AKAP13: variants seen among roughly 807,000 people sequenced by gnomAD.
The protein encoded by AKAP13 is A-kinase anchoring protein 13.
Under a neutral mutation model 264.5 loss-of-function variants are expected in AKAP13, and 80 were observed. The observed-to-expected ratio is 0.30, with a 90% CI of 0.25 to 0.36. The LOEUF is 0.36. Among genes scored for constraint, AKAP13 ranks in the 10% least tolerant of loss-of-function variants. The probability of loss-of-function intolerance (pLI) is 1.00; values close to 1 mark genes in which losing one functional copy is unlikely to be tolerated. For synonymous variants in AKAP13, 1,380 were observed against 1,250.2 expected (o/e 1.10, Z -2.19); for missense variants, 3,712 against 3,435.2 (o/e 1.08, Z -2.01).
chr15:85,639,489 C>T, intron 9 of AKAP13, 40 bp downstream of exon 9: 2 of 1,425,358 alleles, frequency 1.4e-6, no homozygotes, highest in Non-Finnish European at 2.0e-6. Flanking sequence ...GAGCTGCAGC[C>T]CCACTCTGGC....
chr15:85,445,385 A>G (rs1035812605), intron 1 of AKAP13, among the ~76,000 whole-genome samples: 1 of 152,182 alleles, frequency 6.6e-6, no homozygotes, highest in African/African-American at 2.4e-5. Flanking sequence ...ACTGACTGAT[A>G]TGTTCTAATT....
At chr15:85,396,072 T>C (rs1014667133) in intron 1 of AKAP13, among the ~76,000 whole-genome samples, 3 of 152,130 alleles carry the variant, frequency 2.0e-5, no homozygotes, top group Non-Finnish European at 2.9e-5. Flanking sequence ...CATACATGTA[T>C]ATATTAAACT....
intron 2 of AKAP13, among the ~76,000 whole-genome samples, chr15:85,498,608 C>T (rs1789619105): frequency 1.5e-5 from 1 of 65,828 alleles, no homozygotes; most frequent in Non-Finnish European, 3.5e-5. Context: ...TTGATGCTTA[C>T]ATCACATCTA....
At chr15:85,498,659 C>G (rs2075958571) in intron 2 of AKAP13, among the ~76,000 whole-genome samples, 1 of 152,136 alleles carries the variant, frequency 6.6e-6, no homozygotes, top group African/African-American at 2.4e-5. Flanking sequence ...TATTTACCAT[C>G]TCTTTTTCAA....
intron 1 of AKAP13, among the ~76,000 whole-genome samples, chr15:85,399,519 A>T (rs202064687): frequency 0.03 from 3,713 of 124,366 alleles, 116 homozygotes; most frequent in East Asian, 0.11. Flanking sequence ...AAAAAAAAAA[A>T]AAATAAAAAA....
rs1485645393 is a variant in AKAP13 at position 85,483,821 on chromosome 15, AAAC to A, written c.-11-1886_-11-1884del. On this transcript the variant is annotated intron_variant, in intron 1 of 36. Transcript: ENST00000394518. The stretch of plus-strand genomic sequence containing the variant: ...GCGAGACTCCATCTCAAAAACAAAC[AAAC>A]AAAAAAATTATGAAATTTTCTTTTT... Among the ~76,000 whole-genome samples, 5 of 152,286 alleles carry A rather than the reference AAAC, an allele frequency of 3.3e-5. No individual in the cohort carries two copies. The East Asian group carries it at 9.6e-4, about 29-fold the overall frequency.
At chr15:85,545,403 G>C (rs28427010) in intron 5 of AKAP13, among the ~76,000 whole-genome samples, 1,980 of 152,350 alleles carry the variant, frequency 0.013, 26 homozygotes, top group African/African-American at 0.035. Flanking sequence ...TTATATCCTT[G>C]GAGGGGATGT....
At chr15:85,606,727 C>T (rs1353714748) in intron 8 of AKAP13, among the ~76,000 whole-genome samples, 5 of 152,152 alleles carry the variant, frequency 3.3e-5, no homozygotes, top group Non-Finnish European at 7.3e-5. Context: ...AACATCATGG[C>T]AGGGTCAAGG....
At chr15:85,737,495 A>G (rs2542605) in intron 33 of AKAP13, among the ~76,000 whole-genome samples, 15,086 of 152,186 alleles carry the variant, frequency 0.099, 1,016 homozygotes, top group East Asian at 0.37. Context: ...TTTAACGTTA[A>G]GTTAAAAGTC....
At position 85,633,020 on chromosome 15, in the gene AKAP13, C is replaced by G. The variant is rs1567166165; in HGVS notation, c.4162-6354C>G. Among the ~76,000 whole-genome samples, 5 of 152,120 alleles carry G rather than the reference C, an allele frequency of 3.3e-5. No individual in the cohort carries two copies. The South Asian group carries it at 1.0e-3, about 31-fold the overall frequency. ...AGCTGGGACTACAGGCATGTGCCACCACGCCCAGATAATTTTTGTATTTTT... is the reference window on the plus strand; with the variant it reads ...AGCTGGGACTACAGGCATGTGCCACGACGCCCAGATAATTTTTGTATTTTT... On this transcript the variant is annotated intron_variant, in intron 8 of 36. Coordinates refer to ENST00000394518, the MANE Select transcript of AKAP13 (RefSeq NM_007200.5).
intron 4 of AKAP13, chr15:85,535,506 A>C (rs1334628679): frequency 6.6e-6 from 1 of 152,220 alleles, no homozygotes; most frequent in Non-Finnish European, 1.5e-5. Flanking sequence ...AATATTTGAC[A>C]TTCTGAAAAG....
intron 5 of AKAP13, among the ~76,000 whole-genome samples, chr15:85,560,085 G>A (rs1180116783): frequency 8.0e-6 from 1 of 124,356 alleles, no homozygotes; most frequent in East Asian, 2.6e-4. Flanking sequence ...TATTACTCCT[G>A]TGTTCGTTTC....
chr15:85,609,180 A>G (rs1365524267), intron 8 of AKAP13, among the ~76,000 whole-genome samples: 2 of 152,184 alleles, frequency 1.3e-5, no homozygotes, highest in African/African-American at 4.8e-5. Context: ...TATTATTGCT[A>G]ACTATAGTCA....
intron 8 of AKAP13, among the ~76,000 whole-genome samples, chr15:85,633,311 A>G (rs1293527759): frequency 6.6e-6 from 1 of 151,992 alleles, no homozygotes; most frequent in East Asian, 1.9e-4. Flanking sequence ...TTATTTCTGT[A>G]AACTAAACTT....
intron 2 of AKAP13, among the ~76,000 whole-genome samples, chr15:85,487,592 G>T (rs1002702274): frequency 6.6e-6 from 1 of 152,210 alleles, no homozygotes; most frequent in African/African-American, 2.4e-5. Flanking sequence ...TGGAGATGGG[G>T]CCTTGCTCTG....
intron 2 of AKAP13, among the ~76,000 whole-genome samples, chr15:85,513,056 C>T (rs1275862037): frequency 6.6e-6 from 1 of 152,200 alleles, no homozygotes; most frequent in Non-Finnish European, 1.5e-5. Flanking sequence ...GCTCCTGCCT[C>T]AGCCTCCCAA....
rs762107404 is a variant in AKAP13 at position 85,533,749 on chromosome 15, C to A, written c.347C>A (p.Thr116Asn). ...SAGNQQALNF[T>N]RFLDQSGPPS... ...GGAAATCAGCAGGCTTTGAACTTTACCCGTTTTCTTGACCAGTCAGGACCC... is the reference window on the plus strand; with the variant it reads ...GGAAATCAGCAGGCTTTGAACTTTAACCGTTTTCTTGACCAGTCAGGACCC... The change falls in exon 4 of 37, where the codon ACC (threonine) becomes AAC (asparagine). Residue 116 changes from threonine (T) to asparagine (N), a missense_variant. Coordinates refer to ENST00000394518, the MANE Select transcript of AKAP13 (RefSeq NM_007200.5). 6.2e-7 allele frequency: 1 copy of A among 1,614,150 alleles called. No individual in the cohort carries two copies. Among genetic ancestry groups the A allele is most frequent in the Non-Finnish European group, 8.5e-7 (1 of 1,180,010 alleles).
At chr15:85,440,184 C>T (rs1264538966) in intron 1 of AKAP13, among the ~76,000 whole-genome samples, 2 of 152,084 alleles carry the variant, frequency 1.3e-5, no homozygotes, top group Non-Finnish European at 2.9e-5. Flanking sequence ...CTGCCCTTCC[C>T]TTCCTCTAAG....
chr15:85,581,105 G>C lies in AKAP13; in HGVS notation c.3037G>C (p.Ala1013Pro). 5 of 1,613,958 alleles carry C rather than the reference G, an allele frequency of 3.1e-6. No individual in the cohort carries two copies. Among genetic ancestry groups the C allele is most frequent in the African/African-American group, 2.7e-5 (2 of 75,050 alleles). The part of the protein sequence containing the change: ...PQVSLLTQGG[A>P]AQSLVPPGAS... ...AGTCTCACTGCTGACTCAAGGTGGG[G>C]CTGCCCAGAGCCTGGTGCCACCAGG... Residue 1013 changes from alanine to proline, a missense_variant, in exon 7 of 37, where the codon GCT (alanine) becomes CCT (proline). Physicochemically the swap from Ala to Pro is conservative, Grantham distance 27. Coordinates refer to ENST00000394518, the MANE Select transcript of AKAP13 (RefSeq NM_007200.5).
Sources: allele counts gnomAD v4.1 joint callset (sites outside exome capture counted in the v4.1 genomes callset), GRCh38; gene constraint gnomAD v4.1.1; transcripts MANE v1.5; gene names NCBI Gene and HGNC (gene_info 2026-07-23, HGNC 2026-07-21).